APOL3: variants seen among roughly 807,000 people sequenced by gnomAD.
APOL3 encodes the protein TNF-inducible protein CG12-1.
In APOL3, 14 loss-of-function variants were observed where a neutral mutation model predicts 11.6. The ratio of observed to expected loss-of-function variants is 1.21; its 90% CI spans 0.80 to 1.89. The LOEUF (loss-of-function observed/expected upper bound fraction) is 1.89, where lower values mean the gene tolerates loss of function less well. Ranked by LOEUF, APOL3 falls within the 40% of genes most tolerant of loss-of-function variation. APOL3 has a pLI of 0.00. For synonymous variants in APOL3, 192 were observed against 190.6 expected (o/e 1.01, Z -0.06); for missense variants, 483 against 492.1 (o/e 0.98, Z 0.17).
exon 1 of APOL3, chr22:36,160,890 A>T: frequency 6.2e-7 from 1 of 1,613,226 alleles, no homozygotes; most frequent in Non-Finnish European, 8.5e-7. Flanking sequence ...GCCCAGTCCC[A>T]TCCTTGGTCC....
chr22:36,155,916 C>T (rs2012734415), intron 1 of APOL3: 1 of 175,768 alleles, frequency 5.7e-6, no homozygotes, highest in Non-Finnish European at 1.3e-5. Context: ...GACTTTAGTT[C>T]CTGGAGGAGG....
intron 1 of APOL3, among the ~76,000 whole-genome samples, chr22:36,145,848 T>G (rs551271988): frequency 5.7e-4 from 87 of 151,990 alleles, no homozygotes; most frequent in African/African-American, 1.8e-3. Context: ...GTCGTAAGGG[T>G]AGGGCCCTAA....
chr22:36,152,204 C>A (rs1254957692), intron 1 of APOL3, among the ~76,000 whole-genome samples: 1 of 151,902 alleles, frequency 6.6e-6, no homozygotes, highest in African/African-American at 2.4e-5. Flanking sequence ...ATATAATTCA[C>A]AGTTTGAGAA....
exon 3 of APOL3, chr22:36,141,637 T>A: frequency 6.2e-7 from 1 of 1,614,200 alleles, no homozygotes; most frequent in Non-Finnish European, 8.5e-7. Flanking sequence ...TCAATGCTGG[T>A]TGCAGTCAGC....
At chr22:36,151,501 G>C (rs1339300174) in intron 1 of APOL3, among the ~76,000 whole-genome samples, 1 of 151,424 alleles carries the variant, frequency 6.6e-6, no homozygotes, top group Non-Finnish European at 1.5e-5. Flanking sequence ...GAATTAAAAG[G>C]TGATTGAGAA....
intron 1 of APOL3, chr22:36,153,329 G>A (rs891596722): frequency 4.4e-6 from 2 of 453,442 alleles, no homozygotes; most frequent in Non-Finnish European, 8.9e-6. Context: ...TAAAGTTGAT[G>A]GAGAAGTGTG....
Position 36,154,631 on chromosome 22 carries a change from A to G in APOL3, c.223+6038T>C, listed in dbSNP as rs774152683. On this transcript the variant is annotated intron_variant, in intron 1 of 2. Transcript: ENST00000349314. ...CCCAGAAGGGCTGTGTTATTCTCCT[A>G]TGGACAGAAATAATGTCACAGAATA... 8 of 470,984 alleles carry G rather than the reference A, an allele frequency of 1.7e-5. No individual in the cohort carries two copies. The East Asian group carries it at 5.5e-4, about 33-fold the overall frequency. 29.2% of individuals were successfully genotyped at this position (470,984 alleles called of 1,614,324 possible).
upstream of APOL3, chr22:36,164,506 T>A (rs1000123871): frequency 6.6e-6 from 1 of 152,254 alleles, no homozygotes; most frequent in African/African-American, 2.4e-5. Flanking sequence ...TCCTAATATT[T>A]CCAAGGCTTG....
chr22:36,164,284 A>G (rs2013804008), upstream of APOL3, among the ~76,000 whole-genome samples: 1 of 152,228 alleles, frequency 6.6e-6, no homozygotes, highest in Non-Finnish European at 1.5e-5. Flanking sequence ...GGAATCAATC[A>G]GAAACATTTC....
upstream of APOL3, chr22:36,164,897 C>G (rs1485828265): frequency 6.6e-6 from 1 of 152,190 alleles, no homozygotes; most frequent in African/African-American, 2.4e-5. Flanking sequence ...CATGAACTAG[C>G]CTTGACTTCC....
exon 3 of APOL3, chr22:36,140,595 AC>A (rs2059951669): frequency 2.0e-5 from 3 of 152,556 alleles, no homozygotes; most frequent in Admixed American, 2.0e-4. Flanking sequence ...GGGGACATAT[AC>A]CCCTAAATAA....
chr22:36,157,774 G>T lies in APOL3; in HGVS notation c.223+2895C>A, dbSNP rs141717959. ...ATCAAGTTTCTAAAAATATAGCCAG[G>T]TGCGGTGGCTCATACCTGTAATCCC... On this transcript the variant is annotated intron_variant, in intron 1 of 2. Coordinates refer to ENST00000349314, the Ensembl canonical transcript of APOL3. 2.6e-5 allele frequency among the ~76,000 whole-genome samples: 4 copies of T among 152,302 alleles called. No homozygotes were observed. The East Asian group carries it at 7.7e-4, about 29-fold the overall frequency.
intron 1 of APOL3, among the ~76,000 whole-genome samples, chr22:36,152,925 A>G: frequency 6.6e-6 from 1 of 152,196 alleles, no homozygotes; most frequent in East Asian, 1.9e-4. Flanking sequence ...CCTGACCAAC[A>G]TGGAGCAACT....
rs1215372133 is a variant in APOL3, at chr22:36,160,872, C to T, written c.20G>A (p.Trp7Ter). 6.2e-7 allele frequency: 1 copy of T among 1,613,388 alleles called. No homozygotes were observed. The highest frequency in any genetic ancestry group is 1.1e-5 in the South Asian group (1 of 91,044). The change falls in exon 1 of 3, where the codon TGG (tryptophan) becomes TAG (stop). Residue 7 changes from tryptophan (W) to a stop codon, truncating the protein, a stop_gained. Transcript: ENST00000349314. LOFTEE classifies it high-confidence loss of function. ...TGCAAAACAGGATGCTTCCCAGCCC[C>T]ACCCTTGGCCCAGTCCCATCCTTGG...
intron 1 of APOL3, among the ~76,000 whole-genome samples, chr22:36,158,877 A>G (rs1407970472): frequency 6.6e-6 from 1 of 152,144 alleles, no homozygotes; most frequent in Non-Finnish European, 1.5e-5. Flanking sequence ...AAGAAGCTGC[A>G]CAGAATCAAA....
At chr22:36,163,075 T>A (rs2013773512), upstream of APOL3, among the ~76,000 whole-genome samples, 6 of 152,226 alleles carry the variant, frequency 3.9e-5, no homozygotes, top group Admixed American at 3.9e-4. Context: ...TTTAATTAGC[T>A]GTTTAACGTG....
At chr22:36,157,012 T>G (rs1467433891) in intron 1 of APOL3, 1 of 456,248 alleles carries the variant, frequency 2.2e-6, no homozygotes, top group Non-Finnish European at 4.4e-6. Flanking sequence ...CATCTCTTTT[T>G]GGGGAAGAAC....
upstream of APOL3, among the ~76,000 whole-genome samples, chr22:36,163,365 T>G (rs1026465050): frequency 2.6e-5 from 4 of 152,202 alleles, no homozygotes; most frequent in Non-Finnish European, 4.4e-5. Context: ...GTCATAACCT[T>G]TGGAGAACTC....
chr22:36,146,276 C>T (rs2060216996), intron 1 of APOL3: 1 of 151,878 alleles, frequency 6.6e-6, no homozygotes, highest in African/African-American at 2.4e-5. Flanking sequence ...AGGAACCGAT[C>T]TATTTCAGCT....
Sources: allele counts gnomAD v4.1 joint callset (sites outside exome capture counted in the v4.1 genomes callset), GRCh38; gene constraint gnomAD v4.1.1; transcripts MANE v1.5; gene names NCBI Gene and HGNC (gene_info 2026-07-23, HGNC 2026-07-21).